The following NFIB variants were observed in gnomAD, a reference collection of about 807,000 sequenced individuals.
NFIB encodes nuclear factor 1 B-type.
NFIB carries 11 observed loss-of-function variants against 61.5 expected under a neutral mutation model. The ratio of observed to expected loss-of-function variants is 0.18; its 90% CI spans 0.11 to 0.30. The LOEUF is 0.30. Among genes scored for constraint, NFIB ranks in the 10% least tolerant of loss-of-function variants. NFIB has a pLI of 1.00. For missense variants in NFIB, 471 were observed against 608.9 expected (o/e 0.77, Z 2.38); for synonymous variants, 260 against 216.5 (o/e 1.20, Z -1.76).
chr9:14,524,532 A>G, the NFIB span, among the ~76,000 whole-genome samples: 3 of 152,310 alleles, frequency 2.0e-5, no homozygotes, highest in Admixed American at 2.0e-4. Context: ...CTAAGGTGCA[A>G]ACTTGGATCA....
chr9:14,201,146 A>C (rs1009226001), intron 2 of NFIB, among the ~76,000 whole-genome samples: 2 of 152,180 alleles, frequency 1.3e-5, no homozygotes, highest in Non-Finnish European at 2.9e-5. Flanking sequence ...CAGCCTCCTC[A>C]GGCCATTATG....
chr9:14,356,314 C>T (rs1178374372), intron 1 of NFIB, among the ~76,000 whole-genome samples: 1 of 152,176 alleles, frequency 6.6e-6, no homozygotes, highest in Non-Finnish European at 1.5e-5. Flanking sequence ...CAAGATTCCA[C>T]ATGAGCTAGT....
At chr9:14,189,318 G>C (rs1268671119) in intron 2 of NFIB, among the ~76,000 whole-genome samples, 2 of 152,164 alleles carry the variant, frequency 1.3e-5, no homozygotes, top group Non-Finnish European at 2.9e-5. Flanking sequence ...ACTGCCTGGA[G>C]AGTCAGGACT....
intron 3 of NFIB, among the ~76,000 whole-genome samples, chr9:14,172,774 C>T (rs1453305939): frequency 2.1e-5 from 3 of 145,980 alleles, no homozygotes; most frequent in East Asian, 3.9e-4. Context: ...AAATTCAACA[C>T]TTTTTTTTTT....
intron 1 of NFIB, among the ~76,000 whole-genome samples, chr9:14,365,768 T>G (rs1041925019): frequency 3.3e-5 from 5 of 152,204 alleles, no homozygotes; most frequent in Non-Finnish European, 1.5e-5. Flanking sequence ...TTTAAGTTTT[T>G]CTAATGAATC....
At chr9:14,527,297 CGTT>C in the NFIB span, among the ~76,000 whole-genome samples, 71 of 152,198 alleles carry the variant, frequency 4.7e-4, no homozygotes, top group Admixed American at 3.9e-3. Context: ...ATATCATCAT[CGTT>C]GTTGTTGTTT....
intron 6 of NFIB, among the ~76,000 whole-genome samples, chr9:14,127,205 A>T (rs2039774195): frequency 6.6e-6 from 1 of 152,216 alleles, no homozygotes; most frequent in Non-Finnish European, 1.5e-5. Flanking sequence ...AAGAGACTAT[A>T]CCATGCAGTT....
the NFIB span, among the ~76,000 whole-genome samples, chr9:14,409,253 TATATA>T: frequency 6.6e-6 from 1 of 152,192 alleles, no homozygotes; most frequent in East Asian, 1.9e-4. Flanking sequence ...ATTATAAGCT[TATATA>T]ATTTAATTTT....
At chr9:14,463,402 C>T in the NFIB span, among the ~76,000 whole-genome samples, 1 of 151,400 alleles carries the variant, frequency 6.6e-6, no homozygotes, top group Admixed American at 6.6e-5. Flanking sequence ...TTTCTAAAGC[C>T]AATACAATTT....
chr9:14,501,048 A>G, the NFIB span, among the ~76,000 whole-genome samples: 2 of 152,334 alleles, frequency 1.3e-5, no homozygotes, highest in Admixed American at 6.5e-5. Context: ...TCTGAGCACA[A>G]TGGAGGCTTC....
chr9:14,227,671 T>C (rs902995584), intron 2 of NFIB, among the ~76,000 whole-genome samples: 1 of 152,194 alleles, frequency 6.6e-6, no homozygotes, highest in Admixed American at 6.5e-5. Flanking sequence ...CATATGTCAA[T>C]TGTAAGCAAG....
chr9:14,125,196 C>T (rs1452482756), intron 7 of NFIB, among the ~76,000 whole-genome samples: 1 of 152,142 alleles, frequency 6.6e-6, no homozygotes, highest in African/African-American at 2.4e-5. Context: ...CTCACTCTGT[C>T]GCCTAGGCTG....
At chr9:14,149,094 T>A (rs1587042789) in intron 5 of NFIB, among the ~76,000 whole-genome samples, 1 of 152,318 alleles carries the variant, frequency 6.6e-6, no homozygotes, top group African/African-American at 2.4e-5. Flanking sequence ...GCTCACATTT[T>A]AAATTTAGAA....
chr9:14,469,213 C>T, the NFIB span, among the ~76,000 whole-genome samples: 1 of 152,078 alleles, frequency 6.6e-6, no homozygotes, highest in Non-Finnish European at 1.5e-5. Context: ...CTAGTAGGGC[C>T]CCAAAACCCT....
intron 10 of NFIB, among the ~76,000 whole-genome samples, chr9:14,106,772 T>C (rs770851285): frequency 6.6e-6 from 1 of 152,098 alleles, no homozygotes; most frequent in Non-Finnish European, 1.5e-5. Flanking sequence ...CCTCCTTTGT[T>C]ATTAACAGGG....
chr9:14,503,903 A>G, the NFIB span, among the ~76,000 whole-genome samples: 4 of 152,308 alleles, frequency 2.6e-5, no homozygotes, highest in East Asian at 1.9e-4. Context: ...GCCTAAGCCA[A>G]TGTCTACAAG....
At chr9:14,219,824 A>C (rs1400911406) in intron 2 of NFIB, among the ~76,000 whole-genome samples, 1 of 152,224 alleles carries the variant, frequency 6.6e-6, no homozygotes, top group Non-Finnish European at 1.5e-5. Flanking sequence ...AATGGAATTA[A>C]AGCTATGGTG....
chr9:14,340,268 C>G (rs2060934538), intron 1 of NFIB, among the ~76,000 whole-genome samples: 1 of 152,146 alleles, frequency 6.6e-6, no homozygotes, highest in Non-Finnish European at 1.5e-5. Context: ...CAAACTGTCT[C>G]CAATAATAGG....
At chr9:14,166,062 C>T (rs1435217419) in intron 3 of NFIB, among the ~76,000 whole-genome samples, 3 of 152,152 alleles carry the variant, frequency 2.0e-5, no homozygotes, top group Admixed American at 6.6e-5. Context: ...AGATTGTTAA[C>T]CACATTCTTG....
Sources: allele counts gnomAD v4.1 joint callset (sites outside exome capture counted in the v4.1 genomes callset), GRCh38; gene constraint gnomAD v4.1.1; transcripts MANE v1.5; gene names NCBI Gene and HGNC (gene_info 2026-07-23, HGNC 2026-07-21).